The following GFRA1 variants were observed in gnomAD, a reference collection of about 807,000 sequenced individuals.
GFRA1 encodes GDNF family receptor alpha-1.
Under a neutral mutation model 51.6 loss-of-function variants are expected in GFRA1, and 16 were observed. The observed-to-expected ratio is 0.31, with a 90% confidence interval of 0.21 to 0.47. The LOEUF (loss-of-function observed/expected upper bound fraction) is 0.47, where lower values mean the gene tolerates loss of function less well. Among genes scored for constraint, GFRA1 ranks in the 20% least tolerant of loss-of-function variants. GFRA1 has a pLI of 1.00. For synonymous variants in GFRA1, 270 were observed against 241.3 expected (o/e 1.12, Z -1.10); for missense variants, 530 against 594.3 (o/e 0.89, Z 1.13).
intron 5 of GFRA1, among the ~76,000 whole-genome samples, chr10:116,163,205 G>T (rs560177886): frequency 6.6e-6 from 1 of 152,114 alleles, no homozygotes; most frequent in African/African-American, 2.4e-5. Context: ...AAAATCTATG[G>T]GTAGGGCATA....
rs72834546 is a variant in GFRA1, at chr10:116,104,709, C to T, written c.771-7945G>A. On this transcript the variant is annotated intron_variant, in intron 6 of 10. Coordinates refer to ENST00000355422, the MANE Select transcript of GFRA1 (RefSeq NM_005264.8). Reference sequence around the variant, plus strand: ...ATCTGATCAATTTTGGCATCCCTCCCGAAGCCACCTTGCATGAACATTGAC... The same window carrying T: ...ATCTGATCAATTTTGGCATCCCTCCTGAAGCCACCTTGCATGAACATTGAC... Among the ~76,000 whole-genome samples the T allele has an allele frequency of 5.8e-3, 882 of 152,264 alleles. 2 individuals carry two copies. The highest frequency in any genetic ancestry group is 9.9e-3 in the Admixed American group (152 of 15,296).
chr10:116,184,554 G>A (rs986728464), intron 5 of GFRA1, among the ~76,000 whole-genome samples: 3 of 152,174 alleles, frequency 2.0e-5, no homozygotes, highest in Admixed American at 6.5e-5. Context: ...AGCAGGCCAG[G>A]GGTGACATCT....
chr10:116,125,334 G>A lies in GFRA1; in HGVS notation c.657C>T (p.Ile219=), dbSNP rs781107507. The change falls in exon 6 of 11, where the codon ATC becomes ATT. Residue 219 remains isoleucine, a synonymous_variant. Transcript: ENST00000355422. ...YGMLFCSCRD[I]ACTERRRQTI... ...TCTGTCGCCTCCGCTCTGTGCAGGC[G>A]ATGTCCCGGCAGGAGCAGAAGAGCA... is the stretch of plus-strand genomic sequence containing the variant. The A allele has an allele frequency of 3.1e-5, 50 of 1,614,090 alleles. No individual in the cohort carries two copies. The highest frequency in any genetic ancestry group is 1.1e-4 in the East Asian group (5 of 44,884).
At chr10:116,121,530 A>G (rs1374108818) in intron 6 of GFRA1, among the ~76,000 whole-genome samples, 3 of 152,246 alleles carry the variant, frequency 2.0e-5, no homozygotes, top group Non-Finnish European at 4.4e-5. Context: ...GAGGCGGAAG[A>G]GAGACAGGTT....
intron 5 of GFRA1, among the ~76,000 whole-genome samples, chr10:116,154,321 A>G (rs1959165643): frequency 1.3e-5 from 2 of 152,250 alleles, no homozygotes. Flanking sequence ...ACGACCAAAT[A>G]TCCAACTGTA....
Position 116,061,723 on chromosome 10 carries a change from G to A in GFRA1, c.*2675C>T, listed in dbSNP as rs1270233452. The A allele has an allele frequency of 3.1e-5, 10 of 322,812 alleles. No homozygotes were observed. The highest frequency in any genetic ancestry group is 5.0e-5 in the Non-Finnish European group (9 of 178,960). The allele number at this position is 322,812 out of a possible 1,614,324, so 20.0% of individuals were successfully genotyped here. On this transcript the variant is annotated 3_prime_UTR_variant, in exon 11 of 11. Transcript: ENST00000355422. The stretch of plus-strand genomic sequence containing the variant: ...GTCTTCAGTGGCACCCCAAATGCCC[G>A]GACTGAAGGACAGGAAGTAGCGAAT...
At chr10:116,192,287 G>A (rs539942153) in intron 5 of GFRA1, among the ~76,000 whole-genome samples, 6 of 152,072 alleles carry the variant, frequency 3.9e-5, no homozygotes, top group Non-Finnish European at 8.8e-5. Context: ...AAGAGTTTAG[G>A]TTTGCCCGTT....
intron 6 of GFRA1, among the ~76,000 whole-genome samples, chr10:116,103,295 C>A (rs1389262413): frequency 6.6e-6 from 1 of 152,216 alleles, no homozygotes. Flanking sequence ...ACTTCTATCC[C>A]TTCATATGTT....
intron 5 of GFRA1, among the ~76,000 whole-genome samples, chr10:116,158,622 G>A (rs1959406245): frequency 6.6e-6 from 1 of 152,242 alleles, no homozygotes; most frequent in Admixed American, 6.5e-5. Flanking sequence ...AGCCAGCAGT[G>A]CTGGGAGGAC....
At chr10:116,092,654 G>A (rs1046136958) in intron 8 of GFRA1, among the ~76,000 whole-genome samples, 11 of 152,092 alleles carry the variant, frequency 7.2e-5, no homozygotes, top group African/African-American at 9.7e-5. Context: ...ACAGGGGGCC[G>A]CAAAAGGATT....
At chr10:116,179,163 T>C (rs1268994807) in intron 5 of GFRA1, among the ~76,000 whole-genome samples, 1 of 152,180 alleles carries the variant, frequency 6.6e-6, no homozygotes, top group Admixed American at 6.5e-5. Context: ...ACCAAATGGC[T>C]ACATCTCTGG....
chr10:116,117,283 C>T (rs1308964239), intron 6 of GFRA1, among the ~76,000 whole-genome samples: 1 of 152,046 alleles, frequency 6.6e-6, no homozygotes, highest in African/African-American at 2.4e-5. Context: ...CAGTCCTGGG[C>T]CTTTGTCTTG....
At chr10:116,090,729 GT>G (rs370976039) in intron 8 of GFRA1, among the ~76,000 whole-genome samples, 7 of 151,122 alleles carry the variant, frequency 4.6e-5, no homozygotes, top group Non-Finnish European at 1.0e-4. Context: ...TGGATTTAGG[GT>G]TTTTTTTTAT....
chr10:116,067,023 A>G (rs922349749), intron 9 of GFRA1, among the ~76,000 whole-genome samples: 2 of 152,260 alleles, frequency 1.3e-5, no homozygotes, highest in African/African-American at 4.8e-5. Context: ...ATATTTGCAT[A>G]TGCCAGCTGT....
At chr10:116,273,673 C>CTCTCTCTCTCTG (rs1565697596), upstream of GFRA1, among the ~76,000 whole-genome samples, 7 of 6,506 alleles carry the variant, frequency 1.1e-3, no homozygotes, top group African/African-American at 1.2e-3. Flanking sequence ...CTCTCTCTGT[C>CTCTCTCTCTCTG]TCTCTCTCTC....
chr10:116,166,795 TTTTTTTTTTTTTTTTTTTTG>T (rs1460580298), intron 5 of GFRA1, among the ~76,000 whole-genome samples: 2,756 of 89,734 alleles, frequency 0.031, 51 homozygotes, highest in South Asian at 0.068. Flanking sequence ...TTTTTTTTTT[TTTTTTTTTTTTTTTTTTTTG>T]TTGAGACGGA....
chr10:116,089,831 A>G lies in GFRA1; in HGVS notation c.1107T>C (p.Thr369=), dbSNP rs1245863454. The part of the protein sequence containing the change: ...PVQTTTATTT[T]ALRVKNKPLG... ...GGGGCTTGTTCTTAACCCGGAGGGC[A>G]GTGGTGGTAGTGGCAGTGGTGGTCT... is the stretch of plus-strand genomic sequence containing the variant. The change falls in exon 9 of 11, where the codon ACT becomes ACC. Residue 369 remains threonine, a synonymous_variant. Coordinates refer to ENST00000355422, the MANE Select transcript of GFRA1 (RefSeq NM_005264.8). 3 of 1,613,986 alleles carry G rather than the reference A, an allele frequency of 1.9e-6. No homozygotes were observed. The highest frequency in any genetic ancestry group is 1.1e-5 in the South Asian group (1 of 91,076).
chr10:116,109,393 A>G (rs1249296322), intron 6 of GFRA1, among the ~76,000 whole-genome samples: 1 of 152,192 alleles, frequency 6.6e-6, no homozygotes, highest in Non-Finnish European at 1.5e-5. Context: ...AGGCCCAATA[A>G]AAGAATGACA....
chr10:116,175,538 C>T (rs1468026308), intron 5 of GFRA1, among the ~76,000 whole-genome samples: 1 of 152,168 alleles, frequency 6.6e-6, no homozygotes, highest in Non-Finnish European at 1.5e-5. Context: ...GCCTGGGAAC[C>T]CCATCCAGAA....
Sources: allele counts gnomAD v4.1 joint callset (sites outside exome capture counted in the v4.1 genomes callset), GRCh38; gene constraint gnomAD v4.1.1; transcripts MANE v1.5; gene names NCBI Gene and HGNC (gene_info 2026-07-23, HGNC 2026-07-21).